ADARB2: variants seen among roughly 807,000 people sequenced by gnomAD.
ADARB2 encodes adenosine deaminase RNA specific B2 (inactive), also known as inactive double-stranded RNA-specific editase B2.
A neutral mutation model predicts 62.2 loss-of-function variants in ADARB2; 25 were observed. That is an observed-to-expected ratio of 0.40 (90% CI 0.29 to 0.56). ADARB2 has a LOEUF of 0.56. Among genes scored for constraint, ADARB2 ranks in the 20% least tolerant of loss-of-function variants. The pLI is 0.43. For missense variants in ADARB2, 1,071 were observed against 1,077.4 expected, an observed-to-expected ratio of 0.99 and a Z score of 0.08; for synonymous variants, 572 against 500.8, an observed-to-expected ratio of 1.14 and a Z score of -1.90.
rs1832276434 is a variant in ADARB2 at position 1,363,123 on chromosome 10, G to C, written c.982C>G (p.Arg328Gly). ...AGTGCGGCCTGCGCGGCCTGACCCC[G>C]GGCCAGCTTCTTGCTGCGCCCCGAG... ...EGSGRSKKLA[R>G]GQAAQAALQE... Residue 328 changes from arginine to glycine, a missense_variant, in exon 3 of 10, where the codon CGG becomes GGG. Transcript: ENST00000381312. The C allele has an allele frequency of 6.5e-7, 1 of 1,544,696 alleles. No individual in the cohort carries two copies. The highest frequency in any genetic ancestry group is 1.4e-5 in the African/African-American group (1 of 70,366).
chr10:1,294,612 T>C (rs929692733), intron 3 of ADARB2, among the ~76,000 whole-genome samples: 1 of 152,220 alleles, frequency 6.6e-6, no homozygotes, highest in Non-Finnish European at 1.5e-5. Context: ...ACTGTCTCGC[T>C]TCCCCCATCC....
At chr10:1,674,099 AAGG>A (rs1360390899) in intron 1 of ADARB2, among the ~76,000 whole-genome samples, 1 of 152,248 alleles carries the variant, frequency 6.6e-6, no homozygotes, top group African/African-American at 2.4e-5. Flanking sequence ...TGAGGGCTGC[AAGG>A]AGGCCACTGG....
chr10:1,356,314 CAGGTGATGTG>C (rs1213215933), intron 3 of ADARB2, among the ~76,000 whole-genome samples: 2 of 152,212 alleles, frequency 1.3e-5, no homozygotes, highest in South Asian at 2.1e-4. Flanking sequence ...TGCTTCAAAG[CAGGTGATGTG>C]GCCACAGGCG....
chr10:1,423,081 G>C (rs1832864703), intron 1 of ADARB2, among the ~76,000 whole-genome samples: 1 of 152,166 alleles, frequency 6.6e-6, no homozygotes, highest in African/African-American at 2.4e-5. Flanking sequence ...ATCACTGAAG[G>C]GGACCCTTGG....
intron 6 of ADARB2, among the ~76,000 whole-genome samples, chr10:1,228,675 T>C (rs1387696653): frequency 6.6e-6 from 1 of 152,226 alleles, no homozygotes; most frequent in Middle Eastern, 3.2e-3. Flanking sequence ...CTGGGTCACA[T>C]GACATTGAAG....
chr10:1,363,483 G>T lies in ADARB2; in HGVS notation c.622C>A (p.Pro208Thr). Reference protein sequence around the residue: ...AHLAMGGGPGPGTDFTSDQAD... With the variant: ...AHLAMGGGPGTGTDFTSDQAD... ...TGGTCGGAGGTGAAGTCCGTGCCGG[G>T]GCCCGGGCCCCCGCCCATGGCCAGG... is the stretch of plus-strand genomic sequence containing the variant. The change falls in exon 3 of 10, where the codon CCC (proline) becomes ACC (threonine). Residue 208 changes from proline (P) to threonine (T), a missense_variant. Pro to Thr is a conservative substitution (Grantham distance 38, BLOSUM62 -1). Coordinates refer to ENST00000381312, the MANE Select transcript of ADARB2 (RefSeq NM_018702.4). 5.3e-6 allele frequency: 8 copies of T among 1,499,416 alleles called. No individual in the cohort carries two copies. The highest frequency in any genetic ancestry group is 7.1e-6 in the Non-Finnish European group (8 of 1,129,010). 92.9% of individuals were successfully genotyped at this position (1,499,416 alleles called of 1,614,324 possible). A position where few individuals can be genotyped will look rare whatever the true frequency, so the allele number is the denominator to read the frequency against.
chr10:1,204,801 G>T (rs1036965014), intron 7 of ADARB2, among the ~76,000 whole-genome samples: 1 of 152,238 alleles, frequency 6.6e-6, no homozygotes, highest in Non-Finnish European at 1.5e-5. Context: ...CTGAGCACGG[G>T]TCTGGTGTGC....
intron 1 of ADARB2, among the ~76,000 whole-genome samples, chr10:1,682,899 G>A (rs1427654191): frequency 6.6e-6 from 1 of 152,200 alleles, no homozygotes; most frequent in African/African-American, 2.4e-5. Flanking sequence ...GAGAGTGAGA[G>A]GCCGCAAAGC....
intron 1 of ADARB2, among the ~76,000 whole-genome samples, chr10:1,664,585 G>A (rs962684208): frequency 1.3e-5 from 2 of 152,178 alleles, no homozygotes; most frequent in Non-Finnish European, 1.5e-5. Flanking sequence ...TGTTTACGGC[G>A]AGCAGGCTGT....
At chr10:1,375,456 G>A (rs76090958) in intron 2 of ADARB2, among the ~76,000 whole-genome samples, 3 of 152,200 alleles carry the variant, frequency 2.0e-5, no homozygotes, top group Non-Finnish European at 4.4e-5. Flanking sequence ...TGCCCTGTGA[G>A]CCTGTTCCCC....
chr10:1,454,306 C>A (rs1211134171), intron 1 of ADARB2, among the ~76,000 whole-genome samples: 1 of 152,170 alleles, frequency 6.6e-6, no homozygotes, highest in East Asian at 1.9e-4. Flanking sequence ...AGCTACAATT[C>A]AAGATGAGAT....
intron 3 of ADARB2, among the ~76,000 whole-genome samples, chr10:1,362,703 C>G (rs1794088953): frequency 6.6e-6 from 1 of 152,178 alleles, no homozygotes; most frequent in Non-Finnish European, 1.5e-5. Flanking sequence ...CACGACCATC[C>G]GACCCTACGC....
chr10:1,359,492 T>TAA (rs1201496274), intron 3 of ADARB2, among the ~76,000 whole-genome samples: 1 of 152,206 alleles, frequency 6.6e-6, no homozygotes, highest in Non-Finnish European at 1.5e-5. Flanking sequence ...TATGAAAATA[T>TAA]CATGCTTCTG....
chr10:1,509,146 T>G (rs1831891144), intron 1 of ADARB2, among the ~76,000 whole-genome samples: 1 of 152,144 alleles, frequency 6.6e-6, no homozygotes, highest in Non-Finnish European at 1.5e-5. Flanking sequence ...ATTAGCGTGT[T>G]TTTCAGACTA....
At chr10:1,462,757 A>G (rs1831194035) in intron 1 of ADARB2, among the ~76,000 whole-genome samples, 1 of 150,276 alleles carries the variant, frequency 6.7e-6, no homozygotes, top group Admixed American at 6.6e-5. Flanking sequence ...GTATGTATGC[A>G]TGTGTGTGCA....
At chr10:1,668,728 G>A (rs929293095) in intron 1 of ADARB2, among the ~76,000 whole-genome samples, 19 of 152,218 alleles carry the variant, frequency 1.2e-4, no homozygotes, top group African/African-American at 4.3e-4. Flanking sequence ...ATAAGCCCTG[G>A]TCCCCAAGGA....
Position 1,363,243 on chromosome 10 carries a change from C to CTA in ADARB2, c.861_862insTA (p.Ala288Ter). ...GCCAGACACACGTAGCGCAGCCCGGCGCGCAGGCGGTTCAGCAGCACCACG... is the reference window on the plus strand; with the variant it reads ...GCCAGACACACGTAGCGCAGCCCGGCTAGCGCAGGCGGTTCAGCAGCACCACG... On this transcript the variant is annotated frameshift_variant, in exon 3 of 10. Transcript: ENST00000381312. LOFTEE classifies it high-confidence loss of function. 1 of 1,364,218 alleles carries CTA rather than the reference C, an allele frequency of 7.3e-7. No homozygotes were observed. Among genetic ancestry groups the CTA allele is most frequent in the Non-Finnish European group, 9.5e-7 (1 of 1,054,758 alleles). The allele number at this position is 1,364,218 out of a possible 1,614,324, so 84.5% of individuals were successfully genotyped here.
intron 1 of ADARB2, among the ~76,000 whole-genome samples, chr10:1,504,861 G>A (rs186997474): frequency 3.6e-4 from 55 of 152,124 alleles, no homozygotes; most frequent in African/African-American, 1.3e-3. Context: ...AATTACTCTG[G>A]ACTGAAATCC....
chr10:1,691,707 G>T (rs571065992), intron 1 of ADARB2, among the ~76,000 whole-genome samples: 1 of 152,102 alleles, frequency 6.6e-6, no homozygotes, highest in African/African-American at 2.4e-5. Context: ...GTGCTCACTG[G>T]GGCTGGCTCA....
Sources: allele counts gnomAD v4.1 joint callset (sites outside exome capture counted in the v4.1 genomes callset), GRCh38; gene constraint gnomAD v4.1.1; transcripts MANE v1.5; gene names NCBI Gene and HGNC (gene_info 2026-07-23, HGNC 2026-07-21).